SLCO6A1: variants seen among roughly 807,000 people sequenced by gnomAD.
The protein encoded by SLCO6A1 is cancer/testis antigen 48.
Under a neutral mutation model 72.7 loss-of-function variants are expected in SLCO6A1, and 65 were observed. The observed-to-expected ratio is 0.89, with a 90% confidence interval of 0.73 to 1.10. The LOEUF is 1.10. SLCO6A1 is among the 50% of genes least tolerant of loss of function. SLCO6A1 has a pLI of 0.00. For missense variants in SLCO6A1, 874 were observed against 872.6 expected (o/e 1.00, Z -0.02); for synonymous variants, 314 against 298.2 (o/e 1.05, Z -0.55).
intron 1 of SLCO6A1, among the ~76,000 whole-genome samples, chr5:102,495,914 A>G (rs1752889244): frequency 6.6e-6 from 1 of 152,218 alleles, no homozygotes; most frequent in African/African-American, 2.4e-5. Flanking sequence ...ACAAGAAGAA[A>G]GTATGAGGAA....
chr5:102,427,700 A>C (rs1159566887), intron 7 of SLCO6A1, among the ~76,000 whole-genome samples: 1 of 151,762 alleles, frequency 6.6e-6, no homozygotes, highest in African/African-American at 2.4e-5. Context: ...AAATCTGCAC[A>C]AACTATTGAC....
chr5:102,466,356 T>C (rs920313830), intron 4 of SLCO6A1, among the ~76,000 whole-genome samples: 1 of 152,322 alleles, frequency 6.6e-6, no homozygotes, highest in Admixed American at 6.5e-5. Flanking sequence ...GGACATGATC[T>C]TGTTCCTTTT....
At chr5:102,468,305 G>A (rs1389984690) in intron 4 of SLCO6A1, among the ~76,000 whole-genome samples, 1 of 152,020 alleles carries the variant, frequency 6.6e-6, no homozygotes. Flanking sequence ...AATATATCCT[G>A]CAGTTTTGGG....
At chr5:102,460,899 CATATATATATATATATAT>C (rs60973292) in intron 4 of SLCO6A1, among the ~76,000 whole-genome samples, 1,434 of 129,842 alleles carry the variant, frequency 0.011, 17 homozygotes, top group Non-Finnish European at 0.019. Context: ...CCACTTATCT[CATATATATATATATATAT>C]ATATATATAT....
chr5:102,412,701 C>T (rs892194726), intron 9 of SLCO6A1, among the ~76,000 whole-genome samples: 7 of 151,338 alleles, frequency 4.6e-5, no homozygotes, highest in Non-Finnish European at 8.8e-5. Flanking sequence ...GTGGAGGTTG[C>T]AGTGAGCTGG....
At chr5:102,419,024 T>C (rs932845031) in intron 8 of SLCO6A1, among the ~76,000 whole-genome samples, 2 of 152,164 alleles carry the variant, frequency 1.3e-5, no homozygotes, top group Non-Finnish European at 2.9e-5. Context: ...TCTTACTAGA[T>C]GCTTTTGCCC....
chr5:102,430,364 G>C (rs1189083275), intron 7 of SLCO6A1, among the ~76,000 whole-genome samples: 3 of 151,936 alleles, frequency 2.0e-5, no homozygotes, highest in African/African-American at 7.2e-5. Context: ...GTGAGAGGGG[G>C]CATCCTTGTT....
chr5:102,459,863 G>C, intron 4 of SLCO6A1, 86 bp from the exon 5 acceptor site: 2 of 1,179,482 alleles, frequency 1.7e-6, no homozygotes, highest in Non-Finnish European at 2.3e-6. Context: ...GAGAAAGTGA[G>C]AGTGAGAGAG....
chr5:102,389,918 T>C (rs1488088205), intron 11 of SLCO6A1, among the ~76,000 whole-genome samples: 1 of 152,172 alleles, frequency 6.6e-6, no homozygotes, highest in Non-Finnish European at 1.5e-5. Flanking sequence ...ATTATTATTA[T>C]TTTTAGAGAC....
In SLCO6A1 at chr5:102,448,674, G is replaced by A. The variant is rs369938445; in HGVS notation, c.1131+9708C>T. On this transcript the variant is annotated intron_variant, in intron 6 of 13. Coordinates refer to ENST00000506729, the MANE Select transcript of SLCO6A1 (RefSeq NM_173488.5). Reference sequence around the variant, plus strand: ...TGTTGGTTTAAAGTTGGTTTCGTCTGAAATAAGAATAGCAATCCCTGCTCT... The same window carrying A: ...TGTTGGTTTAAAGTTGGTTTCGTCTAAAATAAGAATAGCAATCCCTGCTCT... 1.4e-4 allele frequency among the ~76,000 whole-genome samples: 21 copies of A among 152,232 alleles called. No homozygotes were observed. In the South Asian group the frequency reaches 4.3e-3, roughly 32 times the overall value.
chr5:102,447,821 C>A (rs1750199352), intron 6 of SLCO6A1, among the ~76,000 whole-genome samples: 2 of 152,096 alleles, frequency 1.3e-5, no homozygotes, highest in South Asian at 4.1e-4. Context: ...TTTCTAAGAA[C>A]AAACGTTTCA....
At position 102,477,850 on chromosome 5, in the gene SLCO6A1, C is replaced by T; in HGVS notation, c.628G>A (p.Glu210Lys). 1 of 1,596,228 alleles carries T rather than the reference C, an allele frequency of 6.3e-7. No homozygotes were observed. Among genetic ancestry groups the T allele is most frequent in the Non-Finnish European group, 8.5e-7 (1 of 1,171,404 alleles). Residue 210 changes from glutamate (E) to lysine (K), a missense_variant, in exon 3 of 14, where the codon GAA becomes AAA. By Grantham distance (56) the Glu-to-Lys change is moderately conservative. Coordinates refer to ENST00000506729, the MANE Select transcript of SLCO6A1 (RefSeq NM_173488.5). ...TGGCAACCACTGACAACCTTTATTT[C>T]TTCGCAAATATCTTTTGAAAATACA... ...SKVGIEDICE[E>K]IKVVSGCQSS...
intron 12 of SLCO6A1, among the ~76,000 whole-genome samples, chr5:102,382,899 G>T (rs1213087670): frequency 6.7e-6 from 1 of 149,516 alleles, no homozygotes; most frequent in Non-Finnish European, 1.5e-5. Flanking sequence ...ATATATGTGT[G>T]TTCGTATATA....
At chr5:102,446,360 G>A (rs1379003312) in intron 6 of SLCO6A1, among the ~76,000 whole-genome samples, 1 of 151,990 alleles carries the variant, frequency 6.6e-6, no homozygotes, top group East Asian at 1.9e-4. Context: ...TCTTGATTTG[G>A]CTCTCAGCTT....
At chr5:102,380,992 T>G (rs1486825357) in intron 12 of SLCO6A1, among the ~76,000 whole-genome samples, 1 of 151,920 alleles carries the variant, frequency 6.6e-6, no homozygotes, top group African/African-American at 2.4e-5. Flanking sequence ...ATATTTATAG[T>G]ATAAAGCATT....
intron 10 of SLCO6A1, among the ~76,000 whole-genome samples, chr5:102,394,945 C>G (rs1472968452): frequency 1.3e-5 from 2 of 152,088 alleles, no homozygotes; most frequent in African/African-American, 4.8e-5. Flanking sequence ...ATTACACTTT[C>G]ATTGCATACT....
chr5:102,397,744 C>G lies in SLCO6A1; in HGVS notation c.1814+1811G>C, dbSNP rs1303943362. Among the ~76,000 whole-genome samples the G allele has an allele frequency of 2.0e-5, 3 of 152,196 alleles. No individual in the cohort carries two copies. In the East Asian group the frequency reaches 5.8e-4, roughly 29 times the overall value. The stretch of plus-strand genomic sequence containing the variant: ...TGGGTCCTCTGTATATTTTCTGTTC[C>G]TTATAACATCTTCTGAACCTACAAG... On this transcript the variant is annotated intron_variant, in intron 10 of 13. Transcript: ENST00000506729.
intron 8 of SLCO6A1, among the ~76,000 whole-genome samples, chr5:102,419,322 G>A (rs1748459698): frequency 6.6e-6 from 1 of 152,096 alleles, no homozygotes. Flanking sequence ...TACTTGTTCA[G>A]TCCTTTGGTT....
At chr5:102,436,183 A>G (rs1431153507) in intron 7 of SLCO6A1, among the ~76,000 whole-genome samples, 1 of 152,190 alleles carries the variant, frequency 6.6e-6, no homozygotes, top group Non-Finnish European at 1.5e-5. Flanking sequence ...AAGCTCTGCC[A>G]TTGGCTACAA....
Sources: allele counts gnomAD v4.1 joint callset (sites outside exome capture counted in the v4.1 genomes callset), GRCh38; gene constraint gnomAD v4.1.1; transcripts MANE v1.5; gene names NCBI Gene and HGNC (gene_info 2026-07-23, HGNC 2026-07-21).